STRIP2: variants seen among roughly 807,000 people sequenced by gnomAD.
STRIP2 encodes striatin-interacting protein 2.
Under a neutral mutation model 107.1 loss-of-function variants are expected in STRIP2, and 84 were observed. The observed-to-expected ratio is 0.78, with a 90% confidence interval of 0.66 to 0.94. The LOEUF is 0.94. STRIP2 is among the 40% of genes least tolerant of loss of function. The pLI, the probability that STRIP2 is intolerant of heterozygous loss-of-function variation, is 0.00. For missense variants in STRIP2, 888 were observed against 1,034.2 expected (o/e 0.86, Z 1.94); for synonymous variants, 394 against 400.4 (o/e 0.98, Z 0.19).
At chr7:129,450,125 A>G (rs926143824) in intron 3 of STRIP2, among the ~76,000 whole-genome samples, 5 of 152,172 alleles carry the variant, frequency 3.3e-5, no homozygotes, top group East Asian at 1.9e-4. Context: ...ATTTCTTAGC[A>G]TTTTTGGATC....
rs180882793 is a variant in STRIP2, at chr7:129,448,737, G to A, written c.275-2876G>A. Among the ~76,000 whole-genome samples the A allele has an allele frequency of 1.6e-4, 25 of 152,140 alleles. No homozygotes were observed. In the East Asian group the frequency reaches 3.3e-3, roughly 20 times the overall value. On this transcript the variant is annotated intron_variant, in intron 3 of 20. Transcript: ENST00000249344. Reference sequence around the variant, plus strand: ...TATGCTCACCTTGCCTTTGATGGTCGAGTGCTTCCACTTGGCCCCTGCCAC... The same window carrying A: ...TATGCTCACCTTGCCTTTGATGGTCAAGTGCTTCCACTTGGCCCCTGCCAC...
chr7:129,434,649 C>G (rs764449249), intron 1 of STRIP2, 48 bp downstream of exon 1: 1 of 1,429,266 alleles, frequency 7.0e-7, no homozygotes, highest in South Asian at 1.4e-5. Context: ...CGCCCGCCGG[C>G]GGGAAGCGGC....
At position 129,440,013 on chromosome 7, in the gene STRIP2, CT is replaced by C. The variant is rs1487550775; in HGVS notation, c.130-8del. ...TATCCCAGTTACCAACAAAATTTCT[CT>C]GTTACAGGGCTCTGTGGACTGTCCC... On this transcript the variant is annotated splice_polypyrimidine_tract_variant and splice_region_variant and intron_variant, in intron 1 of 20. Transcript: ENST00000249344. 1.2e-6 allele frequency: 2 copies of C among 1,613,510 alleles called. No individual in the cohort carries two copies. The highest frequency in any genetic ancestry group is 1.7e-5 in the Admixed American group (1 of 60,014).
intron 1 of STRIP2, among the ~76,000 whole-genome samples, chr7:129,437,529 TGTG>T (rs1797775152): frequency 1.3e-5 from 2 of 151,460 alleles, no homozygotes; most frequent in Admixed American, 6.6e-5. Flanking sequence ...TTCCAGTTTG[TGTG>T]TGTGTGTGTG....
In STRIP2 at chr7:129,481,446, G is replaced by A. The variant is rs184720273; in HGVS notation, c.2049+557G>A. Among the ~76,000 whole-genome samples the A allele has an allele frequency of 2.4e-3, 358 of 152,040 alleles. 5 individuals carry two copies. The highest frequency in any genetic ancestry group is 2.2e-4 in the Non-Finnish European group (15 of 67,970). On this transcript the variant is annotated intron_variant, in intron 19 of 20. Coordinates refer to ENST00000249344, the MANE Select transcript of STRIP2 (RefSeq NM_020704.3). ...TGGGAGGCAGAGGTTTCAGTGAGCC[G>A]AGATCATGCCACTGCACTCCAGCGT...
chr7:129,434,469 C>A lies in STRIP2; in HGVS notation c.-4C>A. The A allele has an allele frequency of 6.6e-7, 1 of 1,509,586 alleles. No homozygotes were observed. The highest frequency in any genetic ancestry group is 8.8e-7 in the Non-Finnish European group (1 of 1,135,666). 93.5% of individuals were successfully genotyped at this position (1,509,586 alleles called of 1,614,324 possible). A position where few individuals can be genotyped will look rare whatever the true frequency, so the allele number is the denominator to read the frequency against. ...AACCCTGAGGGGAGCCGCTGACCAG[C>A]AGCATGGAGGACCCCGCCGCGCCTG... On this transcript the variant is annotated 5_prime_UTR_variant, in exon 1 of 21. Transcript: ENST00000249344.
chr7:129,458,514 G>C lies in STRIP2; in HGVS notation c.1274+64G>C. ...TTTCAGTCTCCAAAGGCCCAAGATG[G>C]GGTAGTCTATGTATTCAAGGCTCGT... is the stretch of plus-strand genomic sequence containing the variant. On this transcript the variant is annotated intron_variant, in intron 10 of 20. Coordinates refer to ENST00000249344, the MANE Select transcript of STRIP2 (RefSeq NM_020704.3). The surrounding 1 kb of genome is among the most constrained non-coding windows in gnomAD (Gnocchi z 4.6). 1.4e-6 allele frequency: 2 copies of C among 1,393,090 alleles called. No individual in the cohort carries two copies. Among genetic ancestry groups the C allele is most frequent in the Non-Finnish European group, 1.9e-6 (2 of 1,030,876 alleles). The allele number at this position is 1,393,090 out of a possible 1,614,324, so 86.3% of individuals were successfully genotyped here.
At chr7:129,457,796 C>T (rs965044035) in intron 9 of STRIP2, among the ~76,000 whole-genome samples, 7 of 152,128 alleles carry the variant, frequency 4.6e-5, no homozygotes, top group African/African-American at 1.2e-4. Context: ...ATTTAAAATT[C>T]CAAACTTGCT....
Position 129,484,170 on chromosome 7 carries a change from C to T in STRIP2, c.2254+1124C>T, listed in dbSNP as rs182695458. Among the ~76,000 whole-genome samples, 905 of 152,220 alleles carry T rather than the reference C, an allele frequency of 5.9e-3. 8 individuals are homozygous for T. Among genetic ancestry groups the T allele is most frequent in the African/African-American group, 0.021 (861 of 41,534 alleles). On this transcript the variant is annotated intron_variant, in intron 20 of 20. Transcript: ENST00000249344. ...TCTTTGTGGTGTTATCTACTTTATTCGTCTATCTATGGTATTACCTGTAAA... is the reference window on the plus strand; with the variant it reads ...TCTTTGTGGTGTTATCTACTTTATTTGTCTATCTATGGTATTACCTGTAAA...
Position 129,459,527 on chromosome 7 carries a change from A to G in STRIP2, c.1351A>G (p.Thr451Ala). The change falls in exon 12 of 21, where the codon ACA becomes GCA. Residue 451 changes from threonine (T) to alanine (A), a missense_variant. Physicochemically the swap from Thr to Ala is moderately conservative, Grantham distance 58. Coordinates refer to ENST00000249344, the MANE Select transcript of STRIP2 (RefSeq NM_020704.3). ...IGFTLGQDTD[T>A]LVGLPRPIHE... ...TCTGGCCTTTTACAGGGACACAGAT[A>G]CATTGGTTGGATTACCCAGGCCCAT... The G allele has an allele frequency of 1.2e-6, 2 of 1,614,042 alleles. No individual in the cohort carries two copies. The highest frequency in any genetic ancestry group is 1.7e-6 in the Non-Finnish European group (2 of 1,179,974).
chr7:129,470,529 A>G (rs1798765194), intron 17 of STRIP2, 120 bp from the exon 18 acceptor site: 1 of 775,182 alleles, frequency 1.3e-6, no homozygotes, highest in African/African-American at 1.7e-5. Context: ...TGAGGTCACT[A>G]AGCAATTTGG....
At chr7:129,471,622 T>C (rs1238192728) in intron 18 of STRIP2, among the ~76,000 whole-genome samples, 1 of 152,230 alleles carries the variant, frequency 6.6e-6, no homozygotes, top group East Asian at 1.9e-4. Context: ...TGACAATCTC[T>C]GTGGTACAGG....
At chr7:129,442,995 T>G (rs181158487) in intron 2 of STRIP2, among the ~76,000 whole-genome samples, 4 of 152,056 alleles carry the variant, frequency 2.6e-5, no homozygotes, top group East Asian at 3.9e-4. Flanking sequence ...TGGAGAGAGA[T>G]AGAGAGAGTA....
intron 3 of STRIP2, among the ~76,000 whole-genome samples, chr7:129,446,419 G>T (rs1798036775): frequency 6.6e-6 from 1 of 152,134 alleles, no homozygotes; most frequent in Non-Finnish European, 1.5e-5. Context: ...CAAATCATTG[G>T]CTATAGCCCA....
At chr7:129,456,223 GTAAATAATGC>G (rs1798348533) in intron 8 of STRIP2, among the ~76,000 whole-genome samples, 1 of 144,616 alleles carries the variant, frequency 6.9e-6, no homozygotes, top group Non-Finnish European at 1.5e-5. Flanking sequence ...TACTGGGGCA[GTAAATAATGC>G]CTTATCCTGA....
chr7:129,452,824 T>A (rs1439090388), intron 4 of STRIP2, among the ~76,000 whole-genome samples: 1 of 152,226 alleles, frequency 6.6e-6, no homozygotes, highest in Non-Finnish European at 1.5e-5. Context: ...CTCACCCCTC[T>A]TGGATAGAAT....
At chr7:129,453,413 A>T in intron 5 of STRIP2, 66 bp downstream of exon 5, 1 of 1,596,158 alleles carries the variant, frequency 6.3e-7, no homozygotes, top group East Asian at 2.2e-5. Context: ...CTCATGTTCT[A>T]TGCTGCTTCC....
chr7:129,451,894 T>G, intron 4 of STRIP2, 147 bp downstream of exon 4: 1 of 929,498 alleles, frequency 1.1e-6, no homozygotes, highest in South Asian at 1.7e-5. Flanking sequence ...AGGAGTAACC[T>G]GTGCTTATGA....
In STRIP2 at chr7:129,458,079, T is replaced by C; in HGVS notation, c.1039-136T>C. ...GGGGACAGTAGGTTAAGGTGGGGAA[T>C]TGGATGTTTTCGCAAGGGCTGTGTT... is the stretch of plus-strand genomic sequence containing the variant. On this transcript the variant is annotated intron_variant, in intron 9 of 20. Coordinates refer to ENST00000249344, the MANE Select transcript of STRIP2 (RefSeq NM_020704.3). The surrounding 1 kb of genome is among the most constrained non-coding windows in gnomAD (Gnocchi z 4.6). The C allele has an allele frequency of 1.3e-6, 1 of 741,422 alleles. No homozygotes were observed. The allele number at this position is 741,422 out of a possible 1,614,324, so 45.9% of individuals were successfully genotyped here.
Sources: gnomAD v4.1 joint callset for allele counts (sites outside exome capture counted in the v4.1 genomes callset) on GRCh38, gnomAD v4.1.1 for gene constraint, Gnocchi (gnomAD v3.1) non-coding constraint, MANE v1.5 for transcripts, NCBI Gene and HGNC (gene_info 2026-07-23, HGNC 2026-07-21) for gene names.